KCNIP4: variants seen among roughly 807,000 people sequenced by gnomAD.
KCNIP4 encodes the protein Kv channel-interacting protein 4.
In KCNIP4, 12 loss-of-function variants were observed where a neutral mutation model predicts 34.0. That is an observed-to-expected ratio of 0.35 (90% confidence interval 0.23 to 0.57). The LOEUF (loss-of-function observed/expected upper bound fraction) is 0.57. KCNIP4 is among the 20% of genes least tolerant of loss of function. KCNIP4 has a pLI of 0.83. For missense variants in KCNIP4, 238 were observed against 311.7 expected (o/e 0.76, Z 1.78); for synonymous variants, 124 against 102.2 (o/e 1.21, Z -1.29).
chr4:21,439,427 AC>A (rs1406160026), intron 1 of KCNIP4, among the ~76,000 whole-genome samples: 1 of 152,340 alleles, frequency 6.6e-6, no homozygotes, highest in East Asian at 1.9e-4. Context: ...CGTATAATTC[AC>A]TGATAGTTTC....
At chr4:21,493,446 C>A (rs1732579444) in intron 1 of KCNIP4, among the ~76,000 whole-genome samples, 1 of 150,822 alleles carries the variant, frequency 6.6e-6, no homozygotes, top group Admixed American at 6.6e-5. Flanking sequence ...AGACAGACAT[C>A]CATCTTCGGA....
At chr4:20,832,488 A>T (rs1718540744) in intron 3 of KCNIP4, among the ~76,000 whole-genome samples, 1 of 152,166 alleles carries the variant, frequency 6.6e-6, no homozygotes, top group Non-Finnish European at 1.5e-5. Flanking sequence ...ATTTTTGGTA[A>T]ATTTAATTTT....
At chr4:20,980,146 T>C (rs1735931131) in intron 1 of KCNIP4, among the ~76,000 whole-genome samples, 1 of 152,280 alleles carries the variant, frequency 6.6e-6, no homozygotes, top group Non-Finnish European at 1.5e-5. Flanking sequence ...CCTGGGCCTA[T>C]GCCCAGCATT....
chr4:21,458,888 C>A (rs1729203688), intron 1 of KCNIP4, among the ~76,000 whole-genome samples: 1 of 152,006 alleles, frequency 6.6e-6, no homozygotes, highest in Non-Finnish European at 1.5e-5. Flanking sequence ...ATACACCCCT[C>A]TTGTTTCTCT....
intron 1 of KCNIP4, among the ~76,000 whole-genome samples, chr4:21,039,955 C>T (rs1741805700): frequency 6.6e-6 from 1 of 152,054 alleles, no homozygotes; most frequent in South Asian, 2.1e-4. Flanking sequence ...CTGGGGAGGC[C>T]TCAGGAAACT....
chr4:21,090,278 C>T (rs1267947979), intron 1 of KCNIP4, among the ~76,000 whole-genome samples: 1 of 152,268 alleles, frequency 6.6e-6, no homozygotes, highest in African/African-American at 2.4e-5. Flanking sequence ...CATGATGTGC[C>T]AGTGCCATAT....
At position 21,491,626 on chromosome 4, in the gene KCNIP4, G is replaced by C. The variant is rs191837122; in HGVS notation, c.61+456945C>G. ...GGGCTCAAGCAATCCTCCTGCCTTG[G>C]CCTCCTAAAGTGCTGTGATTACAGG... On this transcript the variant is annotated intron_variant, in intron 1 of 8. Coordinates refer to ENST00000382152, the MANE Select transcript of KCNIP4 (RefSeq NM_025221.6). Among the ~76,000 whole-genome samples the C allele has an allele frequency of 4.4e-4, 67 of 152,168 alleles. 2 individuals are homozygous for C. In the East Asian group the frequency reaches 0.012, roughly 28 times the overall value.
intron 4 of KCNIP4, 107 bp from the exon 5 acceptor site, chr4:20,749,839 C>A (rs1054045922): frequency 3.1e-6 from 2 of 643,288 alleles, no homozygotes; most frequent in Non-Finnish European, 5.3e-6. Flanking sequence ...AACTCTGCCT[C>A]CTTTAGTTTG....
At chr4:20,845,113 CT>C in intron 3 of KCNIP4, among the ~76,000 whole-genome samples, 1 of 152,190 alleles carries the variant, frequency 6.6e-6, no homozygotes, top group East Asian at 1.9e-4. Flanking sequence ...TTTAAATCTC[CT>C]CATCTTGAGT....
At chr4:20,941,171 T>C (rs1046663343) in intron 1 of KCNIP4, among the ~76,000 whole-genome samples, 1 of 152,218 alleles carries the variant, frequency 6.6e-6, no homozygotes, top group African/African-American at 2.4e-5. Flanking sequence ...TTTAACTATT[T>C]GCATGCTCTC....
chr4:21,927,093 T>TGA (rs1729289647), intron 1 of KCNIP4, among the ~76,000 whole-genome samples: 1 of 152,192 alleles, frequency 6.6e-6, no homozygotes, highest in Admixed American at 6.5e-5. Context: ...CCTGGGCCTG[T>TGA]GTTCCCCTTC....
intron 1 of KCNIP4, among the ~76,000 whole-genome samples, chr4:21,757,143 GAA>G (rs1295377036): frequency 4.0e-5 from 1 of 25,064 alleles, no homozygotes; most frequent in Non-Finnish European, 7.7e-5. Flanking sequence ...AAGAAAGAAA[GAA>G]AGAAAGAAAG....
chr4:21,548,612 T>G (rs1738324205), intron 1 of KCNIP4, among the ~76,000 whole-genome samples: 1 of 151,862 alleles, frequency 6.6e-6, no homozygotes, highest in Admixed American at 6.6e-5. Context: ...ATAATCCAAT[T>G]GAATACTCAT....
intron 8 of KCNIP4, 74 bp from the exon 9 acceptor site, chr4:20,730,203 A>G: frequency 6.7e-7 from 1 of 1,499,864 alleles, no homozygotes; most frequent in East Asian, 2.4e-5. Context: ...GCCCCTGAGT[A>G]TTGCCTCCTC....
intron 1 of KCNIP4, among the ~76,000 whole-genome samples, chr4:21,714,889 AT>A (rs1210958062): frequency 0.059 from 23 of 388 alleles, 3 homozygotes; most frequent in African/African-American, 0.12. Flanking sequence ...ATTTTATTTT[AT>A]TTTATTTTAT....
At chr4:20,950,165 G>A (rs988580182) in intron 1 of KCNIP4, among the ~76,000 whole-genome samples, 1 of 146,860 alleles carries the variant, frequency 6.8e-6, no homozygotes, top group African/African-American at 2.5e-5. Flanking sequence ...GGTTCTTCCT[G>A]TGCAGAGAAA....
intron 1 of KCNIP4, among the ~76,000 whole-genome samples, chr4:21,091,051 T>G (rs958507249): frequency 1.3e-5 from 2 of 152,184 alleles, no homozygotes; most frequent in Non-Finnish European, 2.9e-5. Flanking sequence ...GTTCAACCAA[T>G]TTTCAACTTT....
intron 3 of KCNIP4, among the ~76,000 whole-genome samples, chr4:20,825,637 C>G (rs1258218375): frequency 6.6e-6 from 1 of 152,126 alleles, no homozygotes; most frequent in Non-Finnish European, 1.5e-5. Context: ...GCAGGCATGA[C>G]CAGCAGATAA....
intron 1 of KCNIP4, among the ~76,000 whole-genome samples, chr4:21,305,936 A>T (rs748263436): frequency 4.6e-5 from 7 of 152,162 alleles, no homozygotes; most frequent in Non-Finnish European, 1.0e-4. Context: ...ATGGGTATAC[A>T]TTCTCTCCAT....
Sources: allele counts gnomAD v4.1 joint callset (sites outside exome capture counted in the v4.1 genomes callset), GRCh38; gene constraint gnomAD v4.1.1; transcripts MANE v1.5; gene names NCBI Gene and HGNC (gene_info 2026-07-23, HGNC 2026-07-21).